SOX5: variants seen among roughly 807,000 people sequenced by gnomAD.
SOX5 encodes transcription factor SOX-5.
SOX5 carries 9 observed loss-of-function variants against 92.0 expected under a neutral mutation model. The ratio of observed to expected loss-of-function variants is 0.10; its 90% CI spans 0.06 to 0.17. SOX5 has a LOEUF of 0.17. Ranked by LOEUF, SOX5 falls within the 10% of genes least tolerant of loss-of-function variation. SOX5 has a pLI of 1.00. For missense variants in SOX5, 642 were observed against 944.5 expected (o/e 0.68, Z 4.20); for synonymous variants, 344 against 336.3 (o/e 1.02, Z -0.25).
chr12:24,222,532 G>A (rs568288543), intron 3 of SOX5, among the ~76,000 whole-genome samples: 6 of 152,134 alleles, frequency 3.9e-5, no homozygotes, highest in Non-Finnish European at 8.8e-5. Context: ...TGTGGGTGGA[G>A]CAGATTTAAT....
intron 6 of SOX5, among the ~76,000 whole-genome samples, chr12:23,686,630 G>T (rs961674732): frequency 6.6e-6 from 1 of 152,048 alleles, no homozygotes; most frequent in Non-Finnish European, 1.5e-5. Context: ...TTTAAGAAAA[G>T]CATATGACAT....
At chr12:23,889,408 C>T (rs946666350) in intron 2 of SOX5, among the ~76,000 whole-genome samples, 31 of 152,058 alleles carry the variant, frequency 2.0e-4, no homozygotes, top group Admixed American at 1.2e-3. Flanking sequence ...CAGTATTACG[C>T]GCATAACACC....
At chr12:24,162,885 G>T (rs1030051310) in intron 4 of SOX5, among the ~76,000 whole-genome samples, 6 of 152,222 alleles carry the variant, frequency 3.9e-5, no homozygotes, top group East Asian at 1.9e-4. Flanking sequence ...GACAGAGAAG[G>T]GTGACCCAGA....
intron 6 of SOX5, among the ~76,000 whole-genome samples, chr12:23,728,512 T>A (rs999949105): frequency 1.3e-5 from 2 of 152,160 alleles, no homozygotes; most frequent in African/African-American, 4.8e-5. Context: ...CATACTATTA[T>A]TTCACCTGTA....
At chr12:23,758,477 CA>C (rs2094468642) in intron 3 of SOX5, among the ~76,000 whole-genome samples, 1 of 151,308 alleles carries the variant, frequency 6.6e-6, no homozygotes, top group East Asian at 1.9e-4. Flanking sequence ...AAGGGCTAAG[CA>C]AGGTACCAGG....
chr12:24,122,480 C>T (rs1948727040), intron 4 of SOX5, among the ~76,000 whole-genome samples: 1 of 152,176 alleles, frequency 6.6e-6, no homozygotes, highest in South Asian at 2.1e-4. Context: ...AAACTGCCAT[C>T]ACAGATTAAA....
chr12:24,256,167 G>A (rs940729360), intron 3 of SOX5, among the ~76,000 whole-genome samples: 1 of 152,190 alleles, frequency 6.6e-6, no homozygotes, highest in Non-Finnish European at 1.5e-5. Context: ...ATGTGTGGCA[G>A]ATAAATGTAA....
chr12:23,805,129 C>G (rs991703312), intron 3 of SOX5, among the ~76,000 whole-genome samples: 4 of 151,134 alleles, frequency 2.6e-5, no homozygotes, highest in Non-Finnish European at 5.9e-5. Context: ...CATCATAATT[C>G]ATTCATATTA....
chr12:24,412,155 T>C (rs1964222032), intron 1 of SOX5, among the ~76,000 whole-genome samples: 1 of 152,162 alleles, frequency 6.6e-6, no homozygotes, highest in Non-Finnish European at 1.5e-5. Context: ...ATCGTATCGA[T>C]TACTGATATC....
chr12:23,676,790 C>T (rs928702550), intron 6 of SOX5, among the ~76,000 whole-genome samples: 1 of 152,122 alleles, frequency 6.6e-6, no homozygotes, highest in Non-Finnish European at 1.5e-5. Flanking sequence ...CCTAAGTTAA[C>T]AGTGTTCTTA....
At chr12:24,530,341 C>T (rs530342220) in intron 1 of SOX5, among the ~76,000 whole-genome samples, 1 of 152,340 alleles carries the variant, frequency 6.6e-6, no homozygotes, top group East Asian at 1.9e-4. Context: ...GTCGGATCCT[C>T]TCCCTACAAT....
At chr12:24,234,103 C>A (rs1963967585) in intron 3 of SOX5, among the ~76,000 whole-genome samples, 1 of 152,124 alleles carries the variant, frequency 6.6e-6, no homozygotes, top group Non-Finnish European at 1.5e-5. Context: ...GCCTACTGTT[C>A]TATAATGTGT....
intron 6 of SOX5, among the ~76,000 whole-genome samples, chr12:23,731,315 C>T (rs559339572): frequency 4.2e-4 from 64 of 152,170 alleles, no homozygotes; most frequent in Non-Finnish European, 1.9e-4. Context: ...ACTTAGCCTC[C>T]ATAATTGTGT....
intron 1 of SOX5, among the ~76,000 whole-genome samples, chr12:24,527,657 A>G (rs1490134215): frequency 2.0e-5 from 3 of 152,232 alleles, no homozygotes; most frequent in Non-Finnish European, 1.5e-5. Flanking sequence ...CATAATCAAA[A>G]GAAAATAGTT....
chr12:24,016,979 C>T (rs1953703246), intron 4 of SOX5, among the ~76,000 whole-genome samples: 1 of 152,170 alleles, frequency 6.6e-6, no homozygotes, highest in Non-Finnish European at 1.5e-5. Context: ...AAAGAATTCA[C>T]TGAGTGACTC....
chr12:23,603,472 C>T (rs1051759702), intron 9 of SOX5, among the ~76,000 whole-genome samples: 2 of 89,164 alleles, frequency 2.2e-5, no homozygotes, highest in African/African-American at 5.6e-5. Flanking sequence ...ATATATTTTG[C>T]TGGTAAACTA....
intron 4 of SOX5, among the ~76,000 whole-genome samples, chr12:24,206,947 C>T (rs1958083204): frequency 6.6e-6 from 1 of 152,212 alleles, no homozygotes; most frequent in South Asian, 2.1e-4. Context: ...TGCCGAACAC[C>T]TGTGTCAGCT....
At chr12:24,047,882 A>G (rs1214810383) in intron 4 of SOX5, among the ~76,000 whole-genome samples, 1 of 152,190 alleles carries the variant, frequency 6.6e-6, no homozygotes, top group Non-Finnish European at 1.5e-5. Context: ...TTTTGTAAAC[A>G]TTGTTTTAAA....
chr12:24,126,790 G>T (rs1283389023), intron 4 of SOX5, among the ~76,000 whole-genome samples: 1 of 151,958 alleles, frequency 6.6e-6, no homozygotes, highest in Non-Finnish European at 1.5e-5. Context: ...TGCTGCCCTC[G>T]GGACTCTAGT....
Sources: allele counts gnomAD v4.1 joint callset (sites outside exome capture counted in the v4.1 genomes callset), GRCh38; gene constraint gnomAD v4.1.1; transcripts MANE v1.5; gene names NCBI Gene and HGNC (gene_info 2026-07-23, HGNC 2026-07-21).